The following SCN9A variants were observed in gnomAD, a reference collection of about 807,000 sequenced individuals.
SCN9A encodes the protein sodium channel protein type 9 subunit alpha.
SCN9A carries 131 observed loss-of-function variants against 187.0 expected under a neutral mutation model. The observed-to-expected ratio is 0.70, with a 90% CI of 0.61 to 0.81. SCN9A has a LOEUF of 0.81. SCN9A is among the 30% of genes least tolerant of loss of function. SCN9A has a pLI of 0.00. For missense variants in SCN9A, 2,252 were observed against 2,396.6 expected, an observed-to-expected ratio of 0.94 and a Z score of 1.26; for synonymous variants, 809 against 808.6, an observed-to-expected ratio of 1.00 and a Z score of -0.01.
At position 166,228,754 on chromosome 2, in the gene SCN9A, T is replaced by A. The variant is rs200610689; in HGVS notation, c.4143A>T (p.Arg1381=). 2 of 1,613,938 alleles carry A rather than the reference T, an allele frequency of 1.2e-6. No individual in the cohort carries two copies. Residue 1381 remains arginine (R), a synonymous_variant, in exon 22 of 27, where the codon CGA becomes CGT. Transcript: ENST00000642356. ...CAAAGTTCACTTTCAGGTTTTTCCA[T>A]CGCACATTTTGACTAACATTCATAA... The part of the protein sequence containing the change: ...FALMNVSQNV[R]WKNLKVNFDN...
intron 1 of SCN9A, among the ~76,000 whole-genome samples, chr2:166,362,345 C>T (rs1167018596): frequency 1.3e-5 from 2 of 151,898 alleles, no homozygotes; most frequent in East Asian, 3.8e-4. Context: ...GGAACCCTCA[C>T]CATAATCTGG....
chr2:166,196,586 GA>G lies in SCN9A; in HGVS notation c.*2085del, dbSNP rs1693253851. 1 of 152,102 alleles carries G rather than the reference GA, an allele frequency of 6.6e-6. No homozygotes were observed. Among genetic ancestry groups the G allele is most frequent in the South Asian group, 2.1e-4 (1 of 4,828 alleles). 9.4% of individuals were successfully genotyped at this position (152,102 alleles called of 1,614,324 possible). On this transcript the variant is annotated 3_prime_UTR_variant, in exon 27 of 27. Transcript: ENST00000642356. ...ATAATGCAGTTATATTTGTGAGTTTGAAATAACGGTAGATTGAATTCAAATT... is the reference window on the plus strand; with the variant it reads ...ATAATGCAGTTATATTTGTGAGTTTGAATAACGGTAGATTGAATTCAAATT...
intron 12 of SCN9A, among the ~76,000 whole-genome samples, chr2:166,283,717 A>C (rs527981795): frequency 8.9e-4 from 135 of 152,304 alleles, no homozygotes; most frequent in African/African-American, 3.1e-3. Context: ...TTAAAAATGA[A>C]AACAGTTATG....
chr2:166,313,154 AATT>A (rs1235569473), intron 1 of SCN9A, among the ~76,000 whole-genome samples: 1 of 150,220 alleles, frequency 6.7e-6, no homozygotes, highest in Non-Finnish European at 1.5e-5. Context: ...AATAGTAAAT[AATT>A]ATTAATATTC....
At chr2:166,341,483 G>T (rs1174379069) in intron 1 of SCN9A, among the ~76,000 whole-genome samples, 2 of 152,212 alleles carry the variant, frequency 1.3e-5, no homozygotes, top group Non-Finnish European at 2.9e-5. Flanking sequence ...TAATTTGATA[G>T]AAGACAATGA....
chr2:166,244,389 T>G (rs1329566370), intron 18 of SCN9A, among the ~76,000 whole-genome samples: 1 of 152,058 alleles, frequency 6.6e-6, no homozygotes, highest in African/African-American at 2.4e-5. Context: ...CCAATTCTTG[T>G]TGTTAAACTG....
In SCN9A at chr2:166,200,155, G is replaced by A. The variant is rs13413783; in HGVS notation, c.4775-291C>T. The stretch of plus-strand genomic sequence containing the variant: ...TGGGACTACAGGCGCCCGCTACCAC[G>A]CCCGGCTAATTTTTTGTATTTTTAG... On this transcript the variant is annotated intron_variant, in intron 26 of 26. Transcript: ENST00000642356. 8.7e-3 allele frequency among the ~76,000 whole-genome samples: 1,286 copies of A among 147,950 alleles called. 14 individuals are homozygous for A. The highest frequency in any genetic ancestry group is 0.03 in the African/African-American group (1,213 of 40,006).
At chr2:166,230,290 C>T (rs1009843161) in intron 21 of SCN9A, among the ~76,000 whole-genome samples, 1 of 152,110 alleles carries the variant, frequency 6.6e-6, no homozygotes, top group Non-Finnish European at 1.5e-5. Flanking sequence ...AATTATATAA[C>T]AAACATTATG....
At chr2:166,318,494 A>G (rs192210846) in intron 1 of SCN9A, among the ~76,000 whole-genome samples, 1 of 152,262 alleles carries the variant, frequency 6.6e-6, no homozygotes, top group Admixed American at 6.5e-5. Context: ...CTTTAGAAAA[A>G]AAAAAGCAAA....
At chr2:166,287,395 A>T (rs1397447146) in intron 10 of SCN9A, among the ~76,000 whole-genome samples, 1 of 140,334 alleles carries the variant, frequency 7.1e-6, no homozygotes, top group Non-Finnish European at 1.5e-5. Flanking sequence ...AAATAATTTT[A>T]AAAAAACACA....
At chr2:166,313,962 A>G (rs1161633840) in intron 1 of SCN9A, among the ~76,000 whole-genome samples, 1 of 152,160 alleles carries the variant, frequency 6.6e-6, no homozygotes, top group South Asian at 2.1e-4. Flanking sequence ...GGGAAGCCTG[A>G]GGAAAGGGAG....
chr2:166,264,880 A>C (rs77099884), intron 17 of SCN9A, among the ~76,000 whole-genome samples: 3,228 of 152,088 alleles, frequency 0.021, 125 homozygotes, highest in African/African-American at 0.074. Flanking sequence ...ATAATATCTC[A>C]GAAACCTGAA....
Position 166,305,798 on chromosome 2 carries a change from A to G in SCN9A, c.590T>C (p.Val197Ala), listed in dbSNP as rs577251799. 1.2e-6 allele frequency: 2 copies of G among 1,613,482 alleles called. No individual in the cohort carries two copies. Among genetic ancestry groups the G allele is most frequent in the Admixed American group, 3.3e-5 (2 of 59,978 alleles). Residue 197 changes from valine to alanine, a missense_variant, in exon 5 of 27, where the codon GTT (valine) becomes GCT (alanine). Physicochemically the swap from Val to Ala is moderately conservative, Grantham distance 64 (BLOSUM62 0). Coordinates refer to ENST00000642356, the MANE Select transcript of SCN9A (RefSeq NM_001365536.1). ...AAAAGCTGAAAGTACTTACGCAAAA[A>G]CAATGACGACAAAATCCAGCCAGTT... ...PWNWLDFVVI[V>A]FAYLTEFVNL...
At chr2:166,356,489 A>G (rs1389955923) in intron 1 of SCN9A, among the ~76,000 whole-genome samples, 5 of 152,036 alleles carry the variant, frequency 3.3e-5, no homozygotes, top group Non-Finnish European at 7.4e-5. Flanking sequence ...TATGACTCCC[A>G]TTTTTTCCCC....
intron 18 of SCN9A, among the ~76,000 whole-genome samples, chr2:166,250,560 T>TTGAA (rs1695990224): frequency 6.6e-6 from 1 of 152,102 alleles, no homozygotes; most frequent in Admixed American, 6.6e-5. Flanking sequence ...AGTTTGAACT[T>TTGAA]TGTATTACTG....
At chr2:166,277,996 T>A in intron 15 of SCN9A, 144 bp downstream of exon 15, 2 of 608,928 alleles carry the variant, frequency 3.3e-6, no homozygotes, top group Non-Finnish European at 5.5e-6. Flanking sequence ...AGTGCATTTG[T>A]CAATGAATGG....
chr2:166,349,927 G>C (rs1163036093), intron 1 of SCN9A, among the ~76,000 whole-genome samples: 1 of 151,792 alleles, frequency 6.6e-6, no homozygotes, highest in Non-Finnish European at 1.5e-5. Context: ...AGCCAAGATT[G>C]CGCCATTGCA....
chr2:166,207,466 A>C (rs1170664585), intron 24 of SCN9A, among the ~76,000 whole-genome samples: 1 of 129,856 alleles, frequency 7.7e-6, no homozygotes, highest in Non-Finnish European at 1.7e-5. Flanking sequence ...TTTTTGATGG[A>C]GTCTTGCTCT....
intron 1 of SCN9A, among the ~76,000 whole-genome samples, chr2:166,340,595 TTTCTTTCTTTTTCTTTCTTTC>T (rs1699757080): frequency 1.3e-5 from 1 of 78,212 alleles, no homozygotes; most frequent in Admixed American, 1.2e-4. Context: ...TCTTTCTTTC[TTTCTTTCTTTTTCTTTCTTTC>T]TTTCCTTTCT....
Sources: allele counts gnomAD v4.1 joint callset (sites outside exome capture counted in the v4.1 genomes callset), GRCh38; gene constraint gnomAD v4.1.1; transcripts MANE v1.5; gene names NCBI Gene and HGNC (gene_info 2026-07-23, HGNC 2026-07-21).